The following THOC1 variants were observed in gnomAD, a reference collection of about 807,000 sequenced individuals.
THOC1 encodes THO complex subunit 1.
THOC1 carries 29 observed loss-of-function variants against 97.3 expected under a neutral mutation model. That is an observed-to-expected ratio of 0.30 (90% CI 0.22 to 0.41). THOC1 has a LOEUF of 0.41. Ranked by LOEUF, THOC1 falls within the 10% of genes least tolerant of loss-of-function variation. The probability of loss-of-function intolerance (pLI) is 1.00; values close to 1 mark genes in which losing one functional copy is unlikely to be tolerated. For missense variants in THOC1, 529 were observed against 761.9 expected, an observed-to-expected ratio of 0.69 and a Z score of 3.60; for synonymous variants, 255 against 257.0, an observed-to-expected ratio of 0.99 and a Z score of 0.07.
At chr18:258,290 T>G in intron 7 of THOC1, among the ~76,000 whole-genome samples, 1 of 151,038 alleles carries the variant, frequency 6.6e-6, no homozygotes, top group African/African-American at 2.4e-5. Flanking sequence ...TTAACAGGAG[T>G]TTGGAAGAAA....
intron 9 of THOC1, among the ~76,000 whole-genome samples, chr18:251,898 G>GTATAGCTC (rs368732407): frequency 1.4e-4 from 21 of 152,288 alleles, no homozygotes; most frequent in African/African-American, 5.1e-4. Context: ...TCAAATGCAT[G>GTATAGCTC]TATAGCTCAC....
chr18:258,574 T>C lies in THOC1; in HGVS notation c.520+606A>G, dbSNP rs1483416904. 3.3e-5 allele frequency among the ~76,000 whole-genome samples: 5 copies of C among 152,164 alleles called. No homozygotes were observed. The East Asian group carries it at 9.6e-4, about 29-fold the overall frequency. ...TAAGCTCTTCACATGTTTTAATTCA[T>C]TTAATCCTCAGAACATATAAAGTAG... On this transcript the variant is annotated intron_variant, in intron 7 of 20. Coordinates refer to ENST00000261600, the MANE Select transcript of THOC1 (RefSeq NM_005131.3).
chr18:239,522 T>G (rs1245878095), intron 11 of THOC1, among the ~76,000 whole-genome samples: 1 of 152,100 alleles, frequency 6.6e-6, no homozygotes, highest in Non-Finnish European at 1.5e-5. Context: ...GCCAGGCTGG[T>G]CTCAAACACC....
At chr18:235,156 CA>C (rs1911634827) in intron 11 of THOC1, among the ~76,000 whole-genome samples, 1 of 146,886 alleles carries the variant, frequency 6.8e-6, no homozygotes, top group Non-Finnish European at 1.5e-5. Flanking sequence ...TATTAGGCTT[CA>C]AAATTTATTC....
chr18:214,871 A>G lies in THOC1; in HGVS notation c.1729T>C (p.Phe577Leu). 1 of 1,613,936 alleles carries G rather than the reference A, an allele frequency of 6.2e-7. No homozygotes were observed. Among genetic ancestry groups the G allele is most frequent in the Non-Finnish European group, 8.5e-7 (1 of 1,179,864 alleles). ...CATTGTTCACCCAGCTTGTTGGCAA[A>G]TACCTCTATTTGTTCTCCTGTTACA... ...KPVTGEQIEVFANKLGEQWKI... is the reference protein window; with the variant it reads ...KPVTGEQIEVLANKLGEQWKI... Residue 577 changes from phenylalanine to leucine, a missense_variant, in exon 21 of 21, where the codon TTT (phenylalanine) becomes CTT (leucine). Phe to Leu is a conservative substitution (Grantham distance 22, BLOSUM62 0). This residue lies in a region of THOC1 where 98 missense variants were observed against 111.9 expected (regional missense o/e 0.88). Transcript: ENST00000261600.
chr18:248,757 A>T (rs1912176519), intron 9 of THOC1, among the ~76,000 whole-genome samples: 1 of 151,798 alleles, frequency 6.6e-6, no homozygotes, highest in African/African-American at 2.4e-5. Flanking sequence ...CTTTTAATTT[A>T]AATTTTTTTT....
In THOC1 at chr18:242,897, G is replaced by C. The variant is rs1396957507; in HGVS notation, c.918+3427C>G. 2.6e-5 allele frequency among the ~76,000 whole-genome samples: 4 copies of C among 152,172 alleles called. No homozygotes were observed. The highest frequency in any genetic ancestry group is 5.9e-5 in the Non-Finnish European group (4 of 68,032). On this transcript the variant is annotated intron_variant, in intron 11 of 20. Transcript: ENST00000261600. The surrounding 1 kb of genome is among the most constrained non-coding windows in gnomAD (Gnocchi z 4.5). ...CAGAGATGCTGGAAGGCTTCTTTCA[G>C]TGCAGCAGTAAAGCTTATAAAATGT...
chr18:235,362 T>A (rs1911643957), intron 11 of THOC1, among the ~76,000 whole-genome samples: 1 of 152,182 alleles, frequency 6.6e-6, no homozygotes, highest in African/African-American at 2.4e-5. Flanking sequence ...AGTTGTGCTA[T>A]TATTACTTCC....
chr18:260,282 A>G lies in THOC1; in HGVS notation c.279T>C (p.Pro93=). The G allele has an allele frequency of 1.3e-6, 2 of 1,590,180 alleles. No individual in the cohort carries two copies. Among genetic ancestry groups the G allele is most frequent in the Admixed American group, 3.6e-5 (2 of 55,634 alleles). ...VTEGICTAST[P]FVLLGDVLDC... is the part of the protein sequence containing the mutation. ...CCAAAACATCTCCCAACAATACAAA[A>G]GGTGTAGATGCGGTACAAATACCTT... Residue 93 remains proline (P), a synonymous_variant, in exon 5 of 21, where the codon CCT becomes CCC. Transcript: ENST00000261600.
At chr18:219,992 T>A (rs1027660828) in intron 17 of THOC1, among the ~76,000 whole-genome samples, 1 of 152,192 alleles carries the variant, frequency 6.6e-6, no homozygotes. Flanking sequence ...AGAAATGAGG[T>A]CTCAGGATCA....
At position 259,738 on chromosome 18, in the gene THOC1, TAA is replaced by T; in HGVS notation, c.376-10_376-9del. ...AGCAGAATAGAATGTATTCTGAAATTAAGACGGAAATTATCACTCTTCTTCAG... is the reference window on the plus strand; with the variant it reads ...AGCAGAATAGAATGTATTCTGAAATTGACGGAAATTATCACTCTTCTTCAG... On this transcript the variant is annotated splice_polypyrimidine_tract_variant and intron_variant, in intron 5 of 20. Transcript: ENST00000261600. The T allele has an allele frequency of 6.5e-7, 1 of 1,538,156 alleles. No individual in the cohort carries two copies.
rs1371339098 is a variant in THOC1, at chr18:259,237, A to C, written c.463T>G (p.Phe155Val). ...AAAAAGAGCTGAATCCGTCCACAGA[A>C]GACTGTATTCTGGGATTTAGACAAT... Reference protein sequence around the residue: ...RRLSKSQNTVFCGRIQLFLAR... With the variant: ...RRLSKSQNTVVCGRIQLFLAR... The change falls in exon 7 of 21, where the codon TTC (phenylalanine) becomes GTC (valine). Residue 155 changes from phenylalanine (F) to valine (V), a missense_variant. Around this residue, in one of 8 missense-constraint regions of THOC1, gnomAD observed 49 missense variants for 91.7 expected, o/e 0.53. Coordinates refer to ENST00000261600, the MANE Select transcript of THOC1 (RefSeq NM_005131.3). The C allele has an allele frequency of 6.2e-7, 1 of 1,612,560 alleles. No homozygotes were observed. The highest frequency in any genetic ancestry group is 1.1e-5 in the South Asian group (1 of 90,764).
intron 9 of THOC1, 107 bp downstream of exon 9, chr18:252,432 T>G (rs1912307393): frequency 1.2e-6 from 1 of 838,374 alleles, no homozygotes; most frequent in Non-Finnish European, 1.9e-6. Flanking sequence ...GAAAGAAATT[T>G]CTTATAATTT....
At chr18:259,096 T>C in intron 7 of THOC1, 84 bp downstream of exon 7, 3 of 1,034,050 alleles carry the variant, frequency 2.9e-6, no homozygotes, top group Non-Finnish European at 4.3e-6. Context: ...GAACCATTTT[T>C]CTCATTATCA....
intron 19 of THOC1, chr18:216,240 C>T (rs1470433917): frequency 6.1e-5 from 24 of 392,836 alleles, no homozygotes; most frequent in Non-Finnish European, 1.0e-4. Context: ...TCGTGAGCCA[C>T]CGCACCCACA....
chr18:265,122 T>C, intron 3 of THOC1, 181 bp downstream of exon 3: 1 of 575,658 alleles, frequency 1.7e-6, no homozygotes, highest in Non-Finnish European at 3.0e-6. Flanking sequence ...ACCCTTAAAA[T>C]GTACCTGTGC....
rs572174818 is a variant in THOC1, at chr18:218,484, C to T, written c.1454+402G>A. 3.3e-5 allele frequency among the ~76,000 whole-genome samples: 5 copies of T among 152,052 alleles called. No individual in the cohort carries two copies. In the South Asian group the frequency reaches 8.3e-4, roughly 25 times the overall value. On this transcript the variant is annotated intron_variant, in intron 18 of 20. Coordinates refer to ENST00000261600, the MANE Select transcript of THOC1 (RefSeq NM_005131.3). Reference sequence around the variant, plus strand: ...ATGGAATGTGAGGTGGAGTGGGCAACGAGGGCAAAGGGCAAACAGAAGAAC... The same window carrying T: ...ATGGAATGTGAGGTGGAGTGGGCAATGAGGGCAAAGGGCAAACAGAAGAAC...
At chr18:235,087 T>A (rs1178493792) in intron 11 of THOC1, among the ~76,000 whole-genome samples, 3 of 148,996 alleles carry the variant, frequency 2.0e-5, no homozygotes, top group African/African-American at 7.4e-5. Context: ...GGTTTTCTAT[T>A]TTTTTTTTTT....
chr18:242,625 A>G lies in THOC1; in HGVS notation c.918+3699T>C, dbSNP rs987438165. On this transcript the variant is annotated intron_variant, in intron 11 of 20. Transcript: ENST00000261600. This position sits in a 1 kb window ranked among gnomAD's most constrained non-coding sequence, Gnocchi z 4.5. The stretch of plus-strand genomic sequence containing the variant: ...ACCTTGTAATGACAAGCACTTTTCT[A>G]AACCTGCTCACCAGTGAAATGATAG... Among the ~76,000 whole-genome samples, 1 of 152,184 alleles carries G rather than the reference A, an allele frequency of 6.6e-6. No homozygotes were observed. The highest frequency in any genetic ancestry group is 2.4e-5 in the African/African-American group (1 of 41,444).
Sources: gnomAD v4.1 joint callset for allele counts (sites outside exome capture counted in the v4.1 genomes callset) on GRCh38, gnomAD v4.1.1 for gene constraint, gnomAD v4.1.1 regional missense constraint, Gnocchi (gnomAD v3.1) non-coding constraint, MANE v1.5 for transcripts, NCBI Gene and HGNC (gene_info 2026-07-23, HGNC 2026-07-21) for gene names.